The following ASCC1 variants were observed in gnomAD, a reference collection of about 807,000 sequenced individuals.
The protein encoded by ASCC1 is activating signal cointegrator 1 complex subunit 1.
A neutral mutation model predicts 46.6 loss-of-function variants in ASCC1; 35 were observed. The observed-to-expected ratio is 0.75, with a 90% CI of 0.57 to 0.99. The LOEUF (loss-of-function observed/expected upper bound fraction) is 0.99, where lower values mean the gene tolerates loss of function less well. Ranked by LOEUF, ASCC1 falls within the 50% of genes least tolerant of loss-of-function variation. The pLI is 0.00. For missense variants in ASCC1, 376 were observed against 428.7 expected (o/e 0.88, Z 1.09); for synonymous variants, 143 against 146.6 (o/e 0.98, Z 0.18).
At chr10:72,209,877 T>TCAA (rs1211136118) in intron 3 of ASCC1, among the ~76,000 whole-genome samples, 2 of 152,180 alleles carry the variant, frequency 1.3e-5, no homozygotes, top group African/African-American at 4.8e-5. Context: ...TAACCCTCAG[T>TCAA]GTTGGAAGTG....
intron 9 of ASCC1, among the ~76,000 whole-genome samples, chr10:72,098,171 A>C (rs1841310620): frequency 6.6e-6 from 1 of 152,172 alleles, no homozygotes; most frequent in Admixed American, 6.5e-5. Flanking sequence ...AACCATACAT[A>C]CTCCAAGAGG....
In ASCC1 at chr10:72,213,601, TAAA is replaced by T. The variant is rs762289534; in HGVS notation, c.-33-273_-33-271del. Among the ~76,000 whole-genome samples the T allele has an allele frequency of 2.7e-4, 35 of 128,384 alleles. No homozygotes were observed. The South Asian group carries it at 9.2e-3, about 34-fold the overall frequency. The allele number at this position is 128,384 out of a possible 152,430, so 84.2% of individuals were successfully genotyped here. On this transcript the variant is annotated intron_variant, in intron 1 of 9. Coordinates refer to ENST00000672957, the MANE Select transcript of ASCC1 (RefSeq NM_001198800.3). ...AAAATGATTAAAAGGCATACACTCT[TAAA>T]AAAAAAAAAAAAAGAAGGAAGGGAG...
chr10:72,164,193 C>T (rs944013459), intron 5 of ASCC1, among the ~76,000 whole-genome samples: 7 of 152,056 alleles, frequency 4.6e-5, no homozygotes, highest in African/African-American at 1.7e-4. Flanking sequence ...AATTCCTGAC[C>T]TCAGGTGATC....
chr10:72,138,600 CTTTT>C (rs1011535460), intron 7 of ASCC1, among the ~76,000 whole-genome samples: 23 of 104,520 alleles, frequency 2.2e-4, no homozygotes, highest in African/African-American at 8.3e-4. Flanking sequence ...TTCTTTCTTT[CTTTT>C]TTTTTTTTTT....
chr10:72,109,869 C>T (rs978418070), intron 9 of ASCC1, among the ~76,000 whole-genome samples: 3 of 152,208 alleles, frequency 2.0e-5, no homozygotes, highest in Non-Finnish European at 2.9e-5. Context: ...ACCTAATCTC[C>T]GCCTAATCTC....
chr10:72,185,672 G>A (rs1023626360), intron 5 of ASCC1, among the ~76,000 whole-genome samples: 1 of 152,150 alleles, frequency 6.6e-6, no homozygotes, highest in African/African-American at 2.4e-5. Context: ...ATGGAGTGGG[G>A]ATCAACTGCA....
chr10:72,186,776 C>A (rs980207028), intron 5 of ASCC1, among the ~76,000 whole-genome samples: 5 of 151,988 alleles, frequency 3.3e-5, no homozygotes, highest in Non-Finnish European at 2.9e-5. Context: ...ACGCAGTCTC[C>A]CTGAAAGCAG....
chr10:72,128,244 G>T, intron 8 of ASCC1, 77 bp from the exon 9 acceptor site: 1 of 1,282,390 alleles, frequency 7.8e-7, no homozygotes, highest in Non-Finnish European at 1.1e-6. Context: ...AGGTACATAG[G>T]TACGACTAGC....
At chr10:72,203,401 T>C in intron 4 of ASCC1, 26 bp downstream of exon 4, 1 of 1,529,206 alleles carries the variant, frequency 6.5e-7, no homozygotes, top group Non-Finnish European at 9.1e-7. Context: ...TGACTTCAAA[T>C]GTAACTTATA....
At chr10:72,197,042 A>G (rs1015155874) in intron 4 of ASCC1, 53 bp from the exon 5 acceptor site, 4 of 1,580,456 alleles carry the variant, frequency 2.5e-6, no homozygotes, top group Non-Finnish European at 3.5e-6. Context: ...AATGCTTATA[A>G]AACAGGACCT....
intron 6 of ASCC1, among the ~76,000 whole-genome samples, chr10:72,156,714 GT>G (rs1849018435): frequency 1.3e-5 from 2 of 150,868 alleles, no homozygotes; most frequent in Admixed American, 1.3e-4. Flanking sequence ...GGAGCTTGCA[GT>G]GAGCAGAGAT....
intron 5 of ASCC1, among the ~76,000 whole-genome samples, chr10:72,191,516 T>C (rs919194515): frequency 2.0e-4 from 31 of 151,884 alleles, no homozygotes; most frequent in African/African-American, 6.8e-4. Context: ...GACATACATA[T>C]GTAAAAAAAT....
intron 4 of ASCC1, 86 bp downstream of exon 4, chr10:72,203,341 T>C (rs1352944786): frequency 1.9e-5 from 18 of 956,454 alleles, no homozygotes; most frequent in East Asian, 1.7e-4. Flanking sequence ...ACAGAAAACA[T>C]AGTTACTAAA....
intron 8 of ASCC1, among the ~76,000 whole-genome samples, chr10:72,132,443 G>A (rs1289614571): frequency 2.0e-5 from 3 of 152,174 alleles, no homozygotes; most frequent in East Asian, 3.8e-4. Context: ...AAGGCTCAGA[G>A]TCCATGAAGA....
At chr10:72,184,316 A>G (rs1339846197) in intron 5 of ASCC1, among the ~76,000 whole-genome samples, 9 of 152,154 alleles carry the variant, frequency 5.9e-5, no homozygotes, top group Admixed American at 5.9e-4. Context: ...CTAGAATTAC[A>G]TTAAACGTAA....
At chr10:72,213,406 G>A in intron 1 of ASCC1, 75 bp from the exon 2 acceptor site, 2 of 798,596 alleles carry the variant, frequency 2.5e-6, no homozygotes. Flanking sequence ...GAACCATTAT[G>A]CAGGTCTGAA....
intron 7 of ASCC1, among the ~76,000 whole-genome samples, chr10:72,145,666 A>C (rs1847542339): frequency 1.3e-5 from 2 of 152,180 alleles, no homozygotes; most frequent in Non-Finnish European, 2.9e-5. Context: ...TCTGTTAGAG[A>C]GCATCGTTTT....
At chr10:72,140,151 A>C (rs942134245) in intron 7 of ASCC1, among the ~76,000 whole-genome samples, 1 of 152,232 alleles carries the variant, frequency 6.6e-6, no homozygotes, top group Non-Finnish European at 1.5e-5. Flanking sequence ...AAAGGCAGCC[A>C]AATAACACAT....
intron 7 of ASCC1, among the ~76,000 whole-genome samples, chr10:72,141,126 T>G (rs991324068): frequency 6.6e-6 from 1 of 152,092 alleles, no homozygotes; most frequent in Non-Finnish European, 1.5e-5. Flanking sequence ...CAGATATATA[T>G]AGATATATAT....
Sources: allele counts gnomAD v4.1 joint callset (sites outside exome capture counted in the v4.1 genomes callset), GRCh38; gene constraint gnomAD v4.1.1; transcripts MANE v1.5; gene names NCBI Gene and HGNC (gene_info 2026-07-23, HGNC 2026-07-21).